The following NDST4 variants were observed in gnomAD, a reference collection of about 807,000 sequenced individuals.
NDST4 encodes the protein N-deacetylase and N-sulfotransferase 4.
Under a neutral mutation model 100.8 loss-of-function variants are expected in NDST4, and 63 were observed. That is an observed-to-expected ratio of 0.62 (90% CI 0.51 to 0.77). The LOEUF is 0.77. NDST4 is among the 30% of genes least tolerant of loss of function. The pLI is 0.00. For missense variants in NDST4, 943 were observed against 1,018.4 expected, an observed-to-expected ratio of 0.93 and a Z score of 1.01; for synonymous variants, 377 against 361.8, an observed-to-expected ratio of 1.04 and a Z score of -0.48.
intron 6 of NDST4, among the ~76,000 whole-genome samples, chr4:114,894,760 C>T (rs772828374): frequency 1.3e-5 from 2 of 152,000 alleles, no homozygotes; most frequent in Non-Finnish European, 2.9e-5. Context: ...TGCCCTGGAC[C>T]GAACTTCCAA....
chr4:114,919,534 G>A (rs1032697119), intron 6 of NDST4, among the ~76,000 whole-genome samples: 2 of 152,152 alleles, frequency 1.3e-5, no homozygotes, highest in Admixed American at 1.3e-4. Context: ...TGGCATGTAT[G>A]AAAACCTATA....
intron 2 of NDST4, among the ~76,000 whole-genome samples, chr4:115,054,811 G>A (rs969145238): frequency 3.3e-5 from 5 of 152,104 alleles, no homozygotes; most frequent in African/African-American, 1.2e-4. Flanking sequence ...GTTTCCTGAT[G>A]TGGTTCCTAC....
At chr4:114,879,830 G>A (rs1423138697) in intron 6 of NDST4, among the ~76,000 whole-genome samples, 2 of 152,136 alleles carry the variant, frequency 1.3e-5, no homozygotes, top group Non-Finnish European at 2.9e-5. Flanking sequence ...GAAAACAGCT[G>A]GCATTTAACA....
intron 4 of NDST4, among the ~76,000 whole-genome samples, chr4:114,950,193 C>T (rs1326179532): frequency 6.6e-6 from 1 of 152,060 alleles, no homozygotes; most frequent in African/African-American, 2.4e-5. Flanking sequence ...TACTTGATTC[C>T]ATCTTCTCCT....
chr4:114,906,807 A>G (rs1399363806), intron 6 of NDST4, among the ~76,000 whole-genome samples: 2 of 152,032 alleles, frequency 1.3e-5, no homozygotes, highest in African/African-American at 4.8e-5. Flanking sequence ...TTGGACTTAA[A>G]GGTATCTAGA....
At chr4:115,026,591 C>T (rs749098445) in intron 2 of NDST4, among the ~76,000 whole-genome samples, 3 of 151,820 alleles carry the variant, frequency 2.0e-5, no homozygotes, top group Non-Finnish European at 2.9e-5. Flanking sequence ...GTAATTTACT[C>T]TCCAGTTCCC....
chr4:114,973,176 G>A (rs998182204), intron 3 of NDST4, among the ~76,000 whole-genome samples: 3 of 151,886 alleles, frequency 2.0e-5, no homozygotes, highest in Non-Finnish European at 4.4e-5. Flanking sequence ...TGGACTTCCT[G>A]TAAACATTTA....
At chr4:114,886,314 G>A (rs776158531) in intron 6 of NDST4, among the ~76,000 whole-genome samples, 21 of 152,078 alleles carry the variant, frequency 1.4e-4, no homozygotes, top group Middle Eastern at 3.2e-3. Flanking sequence ...GAGATATGTC[G>A]CTGTCCTACT....
At chr4:114,847,857 T>C (rs570104236) in intron 9 of NDST4, among the ~76,000 whole-genome samples, 46 of 152,338 alleles carry the variant, frequency 3.0e-4, no homozygotes, top group African/African-American at 1.1e-3. Flanking sequence ...ATTTATTTGT[T>C]GCCTGAAACA....
chr4:114,973,740 A>C (rs1227475333), intron 3 of NDST4, among the ~76,000 whole-genome samples: 1 of 151,846 alleles, frequency 6.6e-6, no homozygotes, highest in Non-Finnish European at 1.5e-5. Context: ...TTATTAAATT[A>C]AGATATATAT....
intron 2 of NDST4, among the ~76,000 whole-genome samples, chr4:115,027,708 T>C (rs1160253229): frequency 2.6e-5 from 4 of 152,126 alleles, no homozygotes; most frequent in Non-Finnish European, 5.9e-5. Flanking sequence ...TAAATTTTAA[T>C]ATCATGTTAA....
chr4:115,012,071 G>T (rs1051538167), intron 2 of NDST4, among the ~76,000 whole-genome samples: 3 of 151,702 alleles, frequency 2.0e-5, no homozygotes, highest in African/African-American at 4.8e-5. Context: ...ATGAGTACTA[G>T]GGTCTTAGAG....
intron 6 of NDST4, among the ~76,000 whole-genome samples, chr4:114,909,381 C>T (rs1198246886): frequency 1.3e-5 from 2 of 152,082 alleles, no homozygotes; most frequent in Middle Eastern, 3.2e-3. Context: ...AAATTATTGG[C>T]CGGGCGCGGT....
chr4:114,997,520 C>A (rs937634202), intron 2 of NDST4, among the ~76,000 whole-genome samples: 12 of 151,788 alleles, frequency 7.9e-5, no homozygotes, highest in African/African-American at 2.9e-4. Context: ...ACATAGCCTA[C>A]CACATTGATG....
At chr4:114,928,097 T>C (rs1364039876) in intron 6 of NDST4, among the ~76,000 whole-genome samples, 2 of 152,226 alleles carry the variant, frequency 1.3e-5, no homozygotes, top group Non-Finnish European at 2.9e-5. Flanking sequence ...GCATATTATT[T>C]CATATCAATA....
At chr4:114,946,714 T>C (rs1725873575) in intron 4 of NDST4, among the ~76,000 whole-genome samples, 1 of 152,168 alleles carries the variant, frequency 6.6e-6, no homozygotes, top group Admixed American at 6.5e-5. Context: ...AATTTTTCAC[T>C]GAACAACTCC....
intron 2 of NDST4, 25 bp from the exon 3 acceptor site, chr4:114,977,299 G>A: frequency 2.0e-6 from 3 of 1,490,370 alleles, no homozygotes; most frequent in Non-Finnish European, 1.9e-6. Flanking sequence ...AAATTAACAT[G>A]ATTTTAGAAA....
intron 2 of NDST4, among the ~76,000 whole-genome samples, chr4:115,054,953 G>T (rs1728661022): frequency 6.6e-6 from 1 of 152,072 alleles, no homozygotes; most frequent in Admixed American, 6.6e-5. Context: ...TAGCAACCAG[G>T]CCACATAGCA....
chr4:114,989,973 T>C (rs905905499), intron 2 of NDST4, among the ~76,000 whole-genome samples: 5 of 152,116 alleles, frequency 3.3e-5, no homozygotes, highest in Middle Eastern at 3.2e-3. Context: ...CTTTAGTGAG[T>C]TGACTTCATC....
Sources: allele counts gnomAD v4.1 joint callset (sites outside exome capture counted in the v4.1 genomes callset), GRCh38; gene constraint gnomAD v4.1.1; transcripts MANE v1.5; gene names NCBI Gene and HGNC (gene_info 2026-07-23, HGNC 2026-07-21).